The following CUX1 variants were observed in gnomAD, a reference collection of about 807,000 sequenced individuals.
CUX1 encodes the protein protein CASP.
CUX1 carries 31 observed loss-of-function variants against 158.8 expected under a neutral mutation model. The ratio of observed to expected loss-of-function variants is 0.20; its 90% CI spans 0.15 to 0.26. The LOEUF is 0.26. CUX1 is among the 10% of genes least tolerant of loss of function. The pLI, the probability that CUX1 is intolerant of heterozygous loss-of-function variation, is 1.00. For synonymous variants in CUX1, 879 were observed against 862.1 expected, an observed-to-expected ratio of 1.02 and a Z score of -0.34; for missense variants, 1,589 against 2,014.6, an observed-to-expected ratio of 0.79 and a Z score of 4.04.
At chr7:101,844,709 G>A (rs1358540271) in intron 1 of CUX1, among the ~76,000 whole-genome samples, 1 of 152,092 alleles carries the variant, frequency 6.6e-6, no homozygotes, top group Non-Finnish European at 1.5e-5. Context: ...TCCGCCTCCC[G>A]GGTTCAAGTG....
chr7:101,847,929 G>A (rs972518611), intron 1 of CUX1, among the ~76,000 whole-genome samples: 3 of 151,596 alleles, frequency 2.0e-5, no homozygotes, highest in Non-Finnish European at 4.4e-5. Flanking sequence ...ATGATGGCGG[G>A]TGCCTGTAAT....
chr7:102,279,947 G>A (rs1419244139), intron 18 of CUX1: 1 of 813,830 alleles, frequency 1.2e-6, no homozygotes, highest in South Asian at 1.4e-5. Context: ...CTTTTTTGCA[G>A]ATGAGGAAAC....
chr7:102,274,460 G>T (rs1554547174), intron 16 of CUX1: 2 of 636,880 alleles, frequency 3.1e-6, no homozygotes, highest in African/African-American at 3.7e-5. Context: ...CCTTCAAAGG[G>T]TCGGGTAAGG....
rs1174779466 is a variant in CUX1 at position 102,132,680 on chromosome 7, CTTTTTTT to C, written c.674+17420_674+17426del. ...TTTTAATTTGTTTTTCTTTGCTTTT[CTTTTTTT>C]TTTTTTTTTTTTGAGACAGGGTCTC... On this transcript the variant is annotated intron_variant, in intron 8 of 23. Transcript: ENST00000292535. Among the ~76,000 whole-genome samples the C allele has an allele frequency of 1.1e-3, 125 of 115,182 alleles. No homozygotes were observed. The East Asian group carries it at 0.011, about 10-fold the overall frequency. 75.6% of individuals were successfully genotyped at this position (115,182 alleles called of 152,430 possible). A position where few individuals can be genotyped will look rare whatever the true frequency, so the allele number is the denominator to read the frequency against.
rs529441290 is a variant in CUX1, at chr7:102,141,070, C to T, written c.675-17490C>T. Among the ~76,000 whole-genome samples the T allele has an allele frequency of 3.9e-4, 59 of 152,168 alleles. 1 individual carries two copies. In the South Asian group the frequency reaches 9.7e-3, roughly 25 times the overall value. On this transcript the variant is annotated intron_variant, in intron 8 of 23. Coordinates refer to ENST00000292535, the MANE Select transcript of CUX1 (RefSeq NM_181552.4). ...TCCAATGATGTCAGAGTGAAGGGAA[C>T]GGACGGTCTTCGTGGGGCCAGCAAG...
rs1190100617 is a variant in CUX1 at position 102,249,255 on chromosome 7, C to A, written c.*213C>A. The A allele has an allele frequency of 1.9e-6, 2 of 1,073,728 alleles. No individual in the cohort carries two copies. The highest frequency in any genetic ancestry group is 1.7e-5 in the African/African-American group (1 of 59,262). 66.5% of individuals were successfully genotyped at this position (1,073,728 alleles called of 1,614,324 possible). A position where few individuals can be genotyped will look rare whatever the true frequency, so the allele number is the denominator to read the frequency against. ...TCCAAGGCCGCGGCCCAGACCCACTCTGCGGCCCGGGCCGACCCTGCGGCC... is the reference window on the plus strand; with the variant it reads ...TCCAAGGCCGCGGCCCAGACCCACTATGCGGCCCGGGCCGACCCTGCGGCC... On this transcript the variant is annotated 3_prime_UTR_variant, in exon 24 of 24. Transcript: ENST00000292535.
intron 4 of CUX1, among the ~76,000 whole-genome samples, chr7:102,091,398 A>C (rs2130847901): frequency 6.6e-6 from 1 of 152,108 alleles, no homozygotes; most frequent in South Asian, 2.1e-4. Flanking sequence ...TGGCATGATC[A>C]TAGTTCACTG....
chr7:102,065,522 A>G (rs1054378565), intron 3 of CUX1, among the ~76,000 whole-genome samples: 3 of 152,192 alleles, frequency 2.0e-5, no homozygotes, highest in African/African-American at 7.2e-5. Context: ...TGCGGAGCGG[A>G]GGGGACTTTA....
At chr7:101,984,129 T>TAC (rs56087090) in intron 2 of CUX1, among the ~76,000 whole-genome samples, 1 of 28,954 alleles carries the variant, frequency 3.5e-5, no homozygotes, top group African/African-American at 1.3e-4. Flanking sequence ...TATATATATA[T>TAC]ACACACACAC....
At chr7:102,062,501 A>G (rs941048498) in intron 3 of CUX1, among the ~76,000 whole-genome samples, 3 of 152,138 alleles carry the variant, frequency 2.0e-5, no homozygotes, top group African/African-American at 7.2e-5. Flanking sequence ...ATACCTTCCT[A>G]TAGACATTTG....
Position 101,817,648 on chromosome 7 carries a change from C to G in CUX1, c.9C>G (p.Cys3Trp). The G allele has an allele frequency of 1.3e-6, 2 of 1,551,988 alleles. 1 individual carries two copies. Among genetic ancestry groups the G allele is most frequent in the South Asian group, 2.4e-5 (2 of 84,172 alleles). The change falls in exon 1 of 24, where the codon TGC becomes TGG. Residue 3 changes from cysteine to tryptophan, a missense_variant. Coordinates refer to ENST00000292535, the MANE Select transcript of CUX1 (RefSeq NM_181552.4). This position sits in a 1 kb window ranked among gnomAD's most constrained non-coding sequence, Gnocchi z 4.1. ML[C>W]VAGARLKREL... ...GGGACTCTGCCAGGTGGATGTTGTG[C>G]GTAGCCGGAGCCAGGTTGAAGGTGA...
intron 1 of CUX1, among the ~76,000 whole-genome samples, chr7:101,863,914 T>C (rs1797704039): frequency 6.6e-6 from 1 of 152,220 alleles, no homozygotes; most frequent in African/African-American, 2.4e-5. Context: ...TTCCGTGGTG[T>C]GTGTATACCC....
At chr7:101,859,091 C>G (rs1251157441) in intron 1 of CUX1, among the ~76,000 whole-genome samples, 3 of 152,032 alleles carry the variant, frequency 2.0e-5, no homozygotes, top group Non-Finnish European at 2.9e-5. Context: ...TTTGGAAACT[C>G]TAGCTCGACT....
intron 2 of CUX1, among the ~76,000 whole-genome samples, chr7:101,969,317 A>C (rs1262232205): frequency 2.0e-5 from 3 of 150,062 alleles, no homozygotes; most frequent in Non-Finnish European, 4.4e-5. Flanking sequence ...CCTGGGTGAC[A>C]GAGCAAGACC....
chr7:101,962,902 G>A (rs959801867), intron 2 of CUX1, among the ~76,000 whole-genome samples: 9 of 152,030 alleles, frequency 5.9e-5, no homozygotes, highest in Admixed American at 2.0e-4. Flanking sequence ...TGTATTTTTT[G>A]TAGAGACAGG....
chr7:102,096,997 G>A lies in CUX1; in HGVS notation c.269-367G>A, dbSNP rs28603325. Among the ~76,000 whole-genome samples, 5 of 152,068 alleles carry A rather than the reference G, an allele frequency of 3.3e-5. No individual in the cohort carries two copies. In the East Asian group the frequency reaches 9.6e-4, roughly 29 times the overall value. On this transcript the variant is annotated intron_variant, in intron 4 of 23. Coordinates refer to ENST00000292535, the MANE Select transcript of CUX1 (RefSeq NM_181552.4). ...GTCCACGGACTTGTCCGTCCTCCAC[G>A]TGCAGCTCCGGGGATGTGATTGACC... is the stretch of plus-strand genomic sequence containing the variant.
chr7:102,098,587 G>C (rs896065624), intron 5 of CUX1, among the ~76,000 whole-genome samples: 1 of 152,042 alleles, frequency 6.6e-6, no homozygotes, highest in Non-Finnish European at 1.5e-5. Context: ...CTCAGTCTGA[G>C]TGACAGAGCA....
intron 10 of CUX1, 58 bp downstream of exon 10, chr7:102,170,608 T>G: frequency 1.7e-6 from 2 of 1,167,698 alleles, no homozygotes; most frequent in Non-Finnish European, 2.5e-6. Context: ...ACCTTCGAGT[T>G]ACAGCCGCTT....
chr7:102,239,873 A>G (rs1445908143), intron 23 of CUX1, among the ~76,000 whole-genome samples: 12 of 152,022 alleles, frequency 7.9e-5, no homozygotes, highest in Admixed American at 2.0e-4. Context: ...CAGCCTCCCA[A>G]GTAGCTGGGA....
Sources: gnomAD v4.1 joint callset for allele counts (sites outside exome capture counted in the v4.1 genomes callset) on GRCh38, gnomAD v4.1.1 for gene constraint, Gnocchi (gnomAD v3.1) non-coding constraint, MANE v1.5 for transcripts, NCBI Gene and HGNC (gene_info 2026-07-23, HGNC 2026-07-21) for gene names.